Variants in TFPI observed in about 807,000 individuals in gnomAD.
TFPI encodes anti-convertin.
In TFPI, 15 loss-of-function variants were observed where a neutral mutation model predicts 34.6. The ratio of observed to expected loss-of-function variants is 0.43; its 90% CI spans 0.29 to 0.67. The LOEUF is 0.67. TFPI is among the 30% of genes least tolerant of loss of function. TFPI has a pLI of 0.15. For missense variants in TFPI, 301 were observed against 364.0 expected (o/e 0.83, Z 1.41); for synonymous variants, 105 against 120.1 (o/e 0.87, Z 0.82).
chr2:187,481,493 C>T (rs989055530), intron 6 of TFPI, among the ~76,000 whole-genome samples: 11 of 151,980 alleles, frequency 7.2e-5, no homozygotes, highest in Non-Finnish European at 1.2e-4. Context: ...TTCCCACTTC[C>T]GCATCTTGGC....
intron 1 of TFPI, chr2:187,517,554 C>T (rs944114525): frequency 1.3e-5 from 2 of 152,172 alleles, no homozygotes; most frequent in African/African-American, 4.8e-5. Context: ...GAGTGTTTTA[C>T]ATCCAATTAT....
At chr2:187,539,535 T>C (rs1688456399) in intron 1 of TFPI, among the ~76,000 whole-genome samples, 1 of 152,210 alleles carries the variant, frequency 6.6e-6, no homozygotes, top group Non-Finnish European at 1.5e-5. Context: ...GAAGATAATG[T>C]GTAAATACAG....
At chr2:187,495,310 C>T (rs375574444) in intron 3 of TFPI, among the ~76,000 whole-genome samples, 5 of 152,262 alleles carry the variant, frequency 3.3e-5, no homozygotes, top group East Asian at 3.9e-4. Context: ...AAGAATGAGG[C>T]AACCAGGCTT....
chr2:187,515,586 C>T (rs746719958), intron 1 of TFPI: 9 of 152,164 alleles, frequency 5.9e-5, no homozygotes, highest in South Asian at 2.1e-4. Context: ...GACTGGTCCA[C>T]GCACAGCCGA....
At chr2:187,494,993 GAT>G (rs1238854805) in intron 3 of TFPI, among the ~76,000 whole-genome samples, 4 of 152,130 alleles carry the variant, frequency 2.6e-5, no homozygotes, top group Non-Finnish European at 5.9e-5. Flanking sequence ...AAAGTGCTGG[GAT>G]TACAGGTGTG....
At chr2:187,507,485 A>G (rs573987681) in intron 1 of TFPI, among the ~76,000 whole-genome samples, 1 of 152,298 alleles carries the variant, frequency 6.6e-6, no homozygotes, top group East Asian at 1.9e-4. Context: ...TACACTCCCA[A>G]CAACAGTATA....
chr2:187,499,911 G>A (rs1202547328), intron 2 of TFPI, among the ~76,000 whole-genome samples: 1 of 152,056 alleles, frequency 6.6e-6, no homozygotes, highest in Non-Finnish European at 1.5e-5. Flanking sequence ...TGTATCTGCA[G>A]AACACAGGGA....
intron 6 of TFPI, among the ~76,000 whole-genome samples, chr2:187,468,623 G>T (rs990794463): frequency 5.9e-5 from 9 of 152,078 alleles, no homozygotes; most frequent in Non-Finnish European, 1.2e-4. Context: ...AGATAAGCTG[G>T]TTTGTCAATG....
chr2:187,539,423 C>T (rs1574524883), intron 1 of TFPI, among the ~76,000 whole-genome samples: 2 of 152,158 alleles, frequency 1.3e-5, no homozygotes, highest in East Asian at 3.9e-4. Flanking sequence ...AAAAAAAGAT[C>T]GAAGTTTACC....
intron 1 of TFPI, among the ~76,000 whole-genome samples, chr2:187,533,609 A>C (rs1688090080): frequency 6.6e-6 from 1 of 152,254 alleles, no homozygotes; most frequent in African/African-American, 2.4e-5. Context: ...AAGATGAGGA[A>C]AAACCAGCAC....
chr2:187,513,772 A>T (rs1360529003), intron 1 of TFPI: 2 of 152,376 alleles, frequency 1.3e-5, no homozygotes, highest in African/African-American at 4.8e-5. Flanking sequence ...TAACTCTTTC[A>T]TCTATTCTAT....
chr2:187,473,788 C>G (rs1360765620), intron 6 of TFPI, among the ~76,000 whole-genome samples: 1 of 149,414 alleles, frequency 6.7e-6, no homozygotes, highest in African/African-American at 2.4e-5. Context: ...AATGGAAAAA[C>G]AAGCACTGTG....
chr2:187,497,499 T>C (rs940903079), intron 2 of TFPI, among the ~76,000 whole-genome samples: 2 of 152,000 alleles, frequency 1.3e-5, no homozygotes, highest in Admixed American at 6.6e-5. Context: ...CATATATATA[T>C]ACACACACAT....
At chr2:187,539,569 A>C (rs1490798828) in intron 1 of TFPI, among the ~76,000 whole-genome samples, 2 of 152,192 alleles carry the variant, frequency 1.3e-5, no homozygotes, top group Non-Finnish European at 2.9e-5. Flanking sequence ...ACCTTAGTGC[A>C]TTTTCCTCAG....
intron 1 of TFPI, among the ~76,000 whole-genome samples, chr2:187,550,200 A>G (rs1453601134): frequency 6.6e-6 from 1 of 152,104 alleles, no homozygotes; most frequent in Non-Finnish European, 1.5e-5. Context: ...TCAGCTCAAT[A>G]TTGATCTGTT....
At chr2:187,528,345 C>T (rs533961341) in intron 1 of TFPI, among the ~76,000 whole-genome samples, 2 of 152,200 alleles carry the variant, frequency 1.3e-5, no homozygotes, top group East Asian at 1.9e-4. Context: ...TAAAGAGATA[C>T]TTGAAAATCT....
At position 187,509,793 on chromosome 2, in the gene TFPI, C is replaced by A. The variant is rs1239783714; in HGVS notation, c.-2-6023G>T. ...GAAAGGTTTTTCCTGTCTCTATCTC[C>A]TTCAGTTCTGCTTTGATCTTAGTTG... On this transcript the variant is annotated intron_variant, in intron 1 of 7. Coordinates refer to ENST00000233156, the MANE Select transcript of TFPI (RefSeq NM_006287.6). 5.3e-5 allele frequency among the ~76,000 whole-genome samples: 8 copies of A among 152,142 alleles called. No individual in the cohort carries two copies. The South Asian group carries it at 1.0e-3, about 20-fold the overall frequency.
At chr2:187,483,011 G>A (rs192077007) in intron 6 of TFPI, among the ~76,000 whole-genome samples, 112 of 152,060 alleles carry the variant, frequency 7.4e-4, no homozygotes, top group Admixed American at 1.2e-3. Context: ...CAGTGCTGAA[G>A]CAAGACCCAC....
At chr2:187,537,848 G>C (rs1688348585) in intron 1 of TFPI, among the ~76,000 whole-genome samples, 1 of 152,060 alleles carries the variant, frequency 6.6e-6, no homozygotes, top group Non-Finnish European at 1.5e-5. Context: ...ATCTGACAAA[G>C]GGCTAATATT....
Sources: gnomAD v4.1 joint callset for allele counts (sites outside exome capture counted in the v4.1 genomes callset) on GRCh38, gnomAD v4.1.1 for gene constraint, MANE v1.5 for transcripts, NCBI Gene and HGNC (gene_info 2026-07-23, HGNC 2026-07-21) for gene names.